The following SGCD variants were observed in gnomAD, a reference collection of about 807,000 sequenced individuals.
The protein encoded by SGCD is delta-sarcoglycan.
Under a neutral mutation model 36.6 loss-of-function variants are expected in SGCD, and 18 were observed. The observed-to-expected ratio is 0.49, with a 90% CI of 0.34 to 0.73. The LOEUF (loss-of-function observed/expected upper bound fraction) is 0.73, where lower values mean the gene tolerates loss of function less well. Among genes scored for constraint, SGCD ranks in the 30% least tolerant of loss-of-function variants. SGCD has a pLI of 0.01. For synonymous variants in SGCD, 133 were observed against 130.6 expected (o/e 1.02, Z -0.12); for missense variants, 387 against 346.7 (o/e 1.12, Z -0.92).
At chr5:156,263,268 C>T (rs193007140) in intron 3 of SGCD, among the ~76,000 whole-genome samples, 2 of 151,958 alleles carry the variant, frequency 1.3e-5, no homozygotes, top group East Asian at 1.9e-4. Flanking sequence ...TTGCCAGCAA[C>T]TATTATGTTC....
At chr5:155,897,519 T>G (rs1427291302) in intron 1 of SGCD, among the ~76,000 whole-genome samples, 1 of 152,288 alleles carries the variant, frequency 6.6e-6, no homozygotes, top group Middle Eastern at 3.4e-3. Context: ...CTGACTATAA[T>G]TTCTTTCTCT....
intron 3 of SGCD, among the ~76,000 whole-genome samples, chr5:156,242,093 A>G (rs1231120633): frequency 6.6e-6 from 1 of 152,212 alleles, no homozygotes; most frequent in East Asian, 1.9e-4. Context: ...TCATAGCCCA[A>G]AACTAACACA....
At chr5:156,396,450 G>A (rs1580925591) in intron 3 of SGCD, among the ~76,000 whole-genome samples, 1 of 152,316 alleles carries the variant, frequency 6.6e-6, no homozygotes, top group African/African-American at 2.4e-5. Context: ...TATTGTTGCA[G>A]GGTGGAGGGT....
At chr5:156,143,257 G>C (rs1033772518) in intron 3 of SGCD, among the ~76,000 whole-genome samples, 1 of 152,220 alleles carries the variant, frequency 6.6e-6, no homozygotes, top group Non-Finnish European at 1.5e-5. Context: ...GTTAAGGCTT[G>C]GGAGCCTTTG....
intron 3 of SGCD, among the ~76,000 whole-genome samples, chr5:156,387,158 G>A (rs1771320104): frequency 6.6e-6 from 1 of 152,100 alleles, no homozygotes; most frequent in South Asian, 2.1e-4. Flanking sequence ...TTGTGAAGTG[G>A]GTAACACAGA....
At chr5:156,202,475 T>C (rs1764173736) in intron 3 of SGCD, among the ~76,000 whole-genome samples, 1 of 152,140 alleles carries the variant, frequency 6.6e-6, no homozygotes, top group Non-Finnish European at 1.5e-5. Flanking sequence ...CTTGCAGTTG[T>C]TATAGTTTGT....
At chr5:156,166,058 A>G (rs903353259) in intron 3 of SGCD, among the ~76,000 whole-genome samples, 5 of 145,454 alleles carry the variant, frequency 3.4e-5, no homozygotes, top group African/African-American at 7.5e-5. Flanking sequence ...AATCTCTTAG[A>G]TTCTAATTTA....
At chr5:156,189,904 G>A (rs1763849510) in intron 3 of SGCD, among the ~76,000 whole-genome samples, 1 of 152,140 alleles carries the variant, frequency 6.6e-6, no homozygotes, top group African/African-American at 2.4e-5. Context: ...AGCATTAGAG[G>A]ACACCATGTT....
At chr5:156,611,864 A>T (rs1761827559) in intron 6 of SGCD, among the ~76,000 whole-genome samples, 1 of 152,124 alleles carries the variant, frequency 6.6e-6, no homozygotes, top group African/African-American at 2.4e-5. Flanking sequence ...CAAATTTGTT[A>T]TTGACACTGT....
intron 5 of SGCD, among the ~76,000 whole-genome samples, chr5:156,589,604 C>A (rs1760640632): frequency 6.6e-6 from 1 of 152,146 alleles, no homozygotes; most frequent in Admixed American, 6.5e-5. Context: ...CCAGCTGCTT[C>A]ATCAGGTGCT....
chr5:155,995,986 C>CAAAAAAAAAAAAAAA (rs753195795), intron 1 of SGCD, among the ~76,000 whole-genome samples: 1 of 46,264 alleles, frequency 2.2e-5, no homozygotes, highest in Admixed American at 2.6e-4. Flanking sequence ...CAGACCACAC[C>CAAAAAAAAAAAAAAA]AAAAAAAAAA....
At chr5:155,807,958 T>C in the SGCD span, among the ~76,000 whole-genome samples, 55 of 152,214 alleles carry the variant, frequency 3.6e-4, no homozygotes, top group Non-Finnish European at 7.4e-4. Flanking sequence ...GATGAAATAG[T>C]ACCTTATAGT....
At chr5:156,454,076 CATACTTTTTTAAAAA>C (rs1754144583) in intron 3 of SGCD, among the ~76,000 whole-genome samples, 1 of 152,122 alleles carries the variant, frequency 6.6e-6, no homozygotes, top group Admixed American at 6.6e-5. Flanking sequence ...CATTGCATTG[CATACTTTTTTAAAAA>C]AGTGTGCTTG....
intron 3 of SGCD, among the ~76,000 whole-genome samples, chr5:156,388,481 A>C (rs1052949935): frequency 1.3e-5 from 2 of 152,216 alleles, no homozygotes; most frequent in Non-Finnish European, 2.9e-5. Context: ...TTTCATTTGC[A>C]AGGGCCTGAA....
At chr5:156,086,358 T>C (rs1581090562) in intron 1 of SGCD, among the ~76,000 whole-genome samples, 1 of 152,320 alleles carries the variant, frequency 6.6e-6, no homozygotes, top group South Asian at 2.1e-4. Context: ...AAATAACAGG[T>C]ATGAGTGCAG....
At chr5:156,395,701 A>T (rs1254126003) in intron 3 of SGCD, among the ~76,000 whole-genome samples, 1 of 152,168 alleles carries the variant, frequency 6.6e-6, no homozygotes, top group African/African-American at 2.4e-5. Flanking sequence ...TGCAGAGAGG[A>T]AAAGGATCAT....
chr5:156,065,474 C>T (rs1760320967), intron 1 of SGCD, among the ~76,000 whole-genome samples: 1 of 107,810 alleles, frequency 9.3e-6, no homozygotes, highest in African/African-American at 4.5e-5. Flanking sequence ...GAGCTGAGTT[C>T]AATTCCTGGG....
rs140961341 is a variant in SGCD at position 155,941,020 on chromosome 5, T to C, written c.-282+70596T>C. ...GAGACATTTTTTTTTTGGCTCGCAATTCTGGAGGCTGAGAAGTCCAAGATT... is the reference window on the plus strand; with the variant it reads ...GAGACATTTTTTTTTTGGCTCGCAACTCTGGAGGCTGAGAAGTCCAAGATT... On this transcript the variant is annotated intron_variant, in intron 1 of 9. Coordinates refer to the SGCD transcript ENST00000517913. Among the ~76,000 whole-genome samples, 569 of 152,180 alleles carry C rather than the reference T, an allele frequency of 3.7e-3. 4 individuals are homozygous for C. The highest frequency in any genetic ancestry group is 0.013 in the African/African-American group (550 of 41,518).
intron 7 of SGCD, among the ~76,000 whole-genome samples, chr5:156,691,878 T>C (rs969258675): frequency 1.3e-5 from 2 of 152,236 alleles, no homozygotes; most frequent in South Asian, 2.1e-4. Context: ...AAGTTTCATC[T>C]GTTCTTCATT....
Sources: gnomAD v4.1 joint callset for allele counts (sites outside exome capture counted in the v4.1 genomes callset) on GRCh38, gnomAD v4.1.1 for gene constraint, MANE v1.5 for transcripts, NCBI Gene and HGNC (gene_info 2026-07-23, HGNC 2026-07-21) for gene names.